CDK7: variants seen among roughly 807,000 people sequenced by gnomAD.
CDK7 encodes the protein cyclin dependent kinase 7, also known as cyclin-dependent kinase 7.
A neutral mutation model predicts 49.1 loss-of-function variants in CDK7; 25 were observed. The observed-to-expected ratio is 0.51, with a 90% CI of 0.37 to 0.71. CDK7 has a LOEUF of 0.71. CDK7 is among the 30% of genes least tolerant of loss of function. CDK7 has a pLI of 0.00. For missense variants in CDK7, 316 were observed against 411.7 expected, an observed-to-expected ratio of 0.77 and a Z score of 2.01; for synonymous variants, 107 against 140.0, an observed-to-expected ratio of 0.76 and a Z score of 1.67.
Position 69,259,953 on chromosome 5 carries a change from G to C in CDK7, c.527+17G>C. ...TGTAACCAGGTAAGAATCTCTTAAA[G>C]CTACATGTGCAGGAGTTTGATCAGA... On this transcript the variant is annotated intron_variant, in intron 7 of 11. Coordinates refer to ENST00000256443, the MANE Select transcript of CDK7 (RefSeq NM_001799.4). The C allele has an allele frequency of 2.8e-6, 4 of 1,439,094 alleles. No homozygotes were observed. The highest frequency in any genetic ancestry group is 3.9e-6 in the Non-Finnish European group (4 of 1,021,608). 89.1% of individuals were successfully genotyped at this position (1,439,094 alleles called of 1,614,324 possible). A position where few individuals can be genotyped will look rare whatever the true frequency, so the allele number is the denominator to read the frequency against.
intron 2 of CDK7, among the ~76,000 whole-genome samples, chr5:69,247,470 G>A (rs1014987030): frequency 9.4e-5 from 14 of 148,910 alleles, no homozygotes; most frequent in African/African-American, 3.4e-4. Context: ...TGTCTGTATA[G>A]TTAAAGTGTG....
chr5:69,260,412 A>G (rs1580316784), intron 7 of CDK7, among the ~76,000 whole-genome samples: 1 of 152,334 alleles, frequency 6.6e-6, no homozygotes, highest in African/African-American at 2.4e-5. Flanking sequence ...ATACTTTACC[A>G]CGATGAAAAA....
At chr5:69,245,000 T>G (rs1749642585) in intron 2 of CDK7, among the ~76,000 whole-genome samples, 1 of 152,218 alleles carries the variant, frequency 6.6e-6, no homozygotes, top group Non-Finnish European at 1.5e-5. Context: ...TTATAGCATA[T>G]GTTGAACCAT....
intron 2 of CDK7, among the ~76,000 whole-genome samples, chr5:69,238,260 T>C (rs1749133951): frequency 6.6e-6 from 1 of 151,420 alleles, no homozygotes; most frequent in African/African-American, 2.4e-5. Flanking sequence ...CAAAACAATA[T>C]ATAGTATTGC....
chr5:69,246,774 C>T (rs963566669), intron 2 of CDK7, among the ~76,000 whole-genome samples: 31 of 151,394 alleles, frequency 2.0e-4, no homozygotes, highest in African/African-American at 7.0e-4. Context: ...TCCCCGTATC[C>T]CAAGGTTTTT....
chr5:69,268,591 G>A (rs1264602010), intron 8 of CDK7, among the ~76,000 whole-genome samples: 2 of 151,728 alleles, frequency 1.3e-5, no homozygotes, highest in African/African-American at 2.4e-5. Context: ...GGTGGCTGAC[G>A]CCTGTAATCC....
Position 69,243,688 on chromosome 5 carries a change from T to C in CDK7, c.126+8235T>C, listed in dbSNP as rs567238195. Among the ~76,000 whole-genome samples, 6 of 152,310 alleles carry C rather than the reference T, an allele frequency of 3.9e-5. No homozygotes were observed. In the East Asian group the frequency reaches 1.2e-3, roughly 29 times the overall value. ...ATGACGAATGTCATTGGTATATTGATAGAGATTACATTGAATCTATAGATT... is the reference window on the plus strand; with the variant it reads ...ATGACGAATGTCATTGGTATATTGACAGAGATTACATTGAATCTATAGATT... On this transcript the variant is annotated intron_variant, in intron 2 of 11. Transcript: ENST00000256443.
intron 8 of CDK7, among the ~76,000 whole-genome samples, chr5:69,268,074 C>A (rs771147097): frequency 6.6e-6 from 1 of 152,150 alleles, no homozygotes; most frequent in Non-Finnish European, 1.5e-5. Context: ...GATTCTCCTG[C>A]CTCAGCCTCC....
chr5:69,248,802 C>CTTTTTTTT (rs70992911), intron 2 of CDK7, among the ~76,000 whole-genome samples: 9 of 92,270 alleles, frequency 9.8e-5, no homozygotes, highest in Admixed American at 1.4e-4. Flanking sequence ...TTTTTTTTTT[C>CTTTTTTTT]TTTTTTTTTT....
intron 2 of CDK7, among the ~76,000 whole-genome samples, chr5:69,247,591 A>G (rs1408017957): frequency 6.6e-6 from 1 of 151,358 alleles, no homozygotes; most frequent in Non-Finnish European, 1.5e-5. Flanking sequence ...GATATTATTG[A>G]TAAGAACTTT....
intron 9 of CDK7, 72 bp downstream of exon 9, chr5:69,269,365 T>G (rs1026820405): frequency 4.1e-6 from 4 of 974,880 alleles, no homozygotes; most frequent in Non-Finnish European, 6.3e-6. Flanking sequence ...ATATACTTTA[T>G]ATAGTGCTGT....
In CDK7 at chr5:69,234,985, G is replaced by T; in HGVS notation, c.10G>T (p.Asp4Tyr). 6.3e-7 allele frequency: 1 copy of T among 1,598,356 alleles called. No homozygotes were observed. Among genetic ancestry groups the T allele is most frequent in the Non-Finnish European group, 8.5e-7 (1 of 1,172,790 alleles). The change falls in exon 1 of 12, where the codon GAC (aspartate) becomes TAC (tyrosine). Residue 4 changes from aspartate (D) to tyrosine (Y), a missense_variant. Physicochemically the swap from Asp to Tyr is radical, Grantham distance 160 (BLOSUM62 -3). Transcript: ENST00000256443. MALDVKSRAKRYEK... is the reference protein window; with the variant it reads MALYVKSRAKRYEK... The stretch of plus-strand genomic sequence containing the variant: ...GGCTTTACGGCGCCGGATGGCTCTG[G>T]ACGTGAAGTCTCGGGCAAAGCGTTA...
At chr5:69,242,820 C>T (rs538955464) in intron 2 of CDK7, among the ~76,000 whole-genome samples, 32 of 152,200 alleles carry the variant, frequency 2.1e-4, no homozygotes, top group African/African-American at 7.5e-4. Context: ...CGGAGGCAGG[C>T]GGATCACCTG....
intron 2 of CDK7, among the ~76,000 whole-genome samples, chr5:69,244,978 C>CA (rs1246944029): frequency 6.6e-6 from 1 of 152,106 alleles, no homozygotes; most frequent in Non-Finnish European, 1.5e-5. Flanking sequence ...TATTACATAT[C>CA]ACGTTGATTG....
At chr5:69,249,433 T>C (rs188825255) in intron 2 of CDK7, among the ~76,000 whole-genome samples, 190 of 151,770 alleles carry the variant, frequency 1.3e-3, no homozygotes, top group Non-Finnish European at 1.6e-3. Flanking sequence ...CCCAGCTTCT[T>C]GGGGGGGTCT....
chr5:69,257,332 T>TA (rs569774002), intron 5 of CDK7, among the ~76,000 whole-genome samples: 5 of 152,050 alleles, frequency 3.3e-5, no homozygotes, highest in African/African-American at 1.2e-4. Flanking sequence ...AATCTGATTT[T>TA]AAAAAAAGAA....
chr5:69,253,650 A>G lies in CDK7; in HGVS notation c.161-952A>G, dbSNP rs560756227. On this transcript the variant is annotated intron_variant, in intron 3 of 11. Transcript: ENST00000256443. Reference sequence around the variant, plus strand: ...TTGCTTTTAGCACAAACAATATGCCACTAATATTTGTAGGGCAAGAGTAGG... The same window carrying G: ...TTGCTTTTAGCACAAACAATATGCCGCTAATATTTGTAGGGCAAGAGTAGG... Among the ~76,000 whole-genome samples the G allele has an allele frequency of 5.9e-5, 9 of 152,342 alleles. 1 individual carries two copies. In the South Asian group the frequency reaches 1.9e-3, roughly 32 times the overall value.
intron 2 of CDK7, among the ~76,000 whole-genome samples, chr5:69,246,111 C>A (rs1238109324): frequency 6.6e-6 from 1 of 151,690 alleles, no homozygotes; most frequent in East Asian, 1.9e-4. Flanking sequence ...ATTTTTTTTT[C>A]TAGAGCAGGA....
chr5:69,235,062 G>C, intron 1 of CDK7, 21 bp downstream of exon 1: 2 of 1,589,034 alleles, frequency 1.3e-6, no homozygotes, highest in Non-Finnish European at 1.7e-6. Flanking sequence ...CTGGAAGGAC[G>C]GGGAGGGCCC....
Sources: gnomAD v4.1 joint callset for allele counts (sites outside exome capture counted in the v4.1 genomes callset) on GRCh38, gnomAD v4.1.1 for gene constraint, MANE v1.5 for transcripts, NCBI Gene and HGNC (gene_info 2026-07-23, HGNC 2026-07-21) for gene names.